CARD16: variants seen among roughly 807,000 people sequenced by gnomAD.
CARD16 encodes the protein caspase recruitment domain-containing protein 16.
In CARD16, 8 loss-of-function variants were observed where a neutral mutation model predicts 11.9. The observed-to-expected ratio is 0.67, with a 90% CI of 0.39 to 1.21. The LOEUF is 1.21. Among genes scored for constraint, CARD16 ranks in the 50% most tolerant of loss-of-function variants. The probability of loss-of-function intolerance (pLI) is 0.01; values close to 1 mark genes in which losing one functional copy is unlikely to be tolerated. For missense variants in CARD16, 131 were observed against 118.1 expected, an observed-to-expected ratio of 1.11 and a Z score of -0.51; for synonymous variants, 44 against 43.8, an observed-to-expected ratio of 1.00 and a Z score of -0.02.
chr11:105,043,147 C>G (rs1864138884), intron 3 of CARD16, among the ~76,000 whole-genome samples: 2 of 152,150 alleles, frequency 1.3e-5, no homozygotes, highest in Admixed American at 1.3e-4. Flanking sequence ...GTAAGAGAAG[C>G]AGGGTGGGGA....
chr11:105,045,073 G>T (rs112479312), intron 1 of CARD16: 48 of 659,416 alleles, frequency 7.3e-5, no homozygotes, highest in African/African-American at 3.5e-4. Context: ...CAAAATGACA[G>T]CAGGCTACCC....
At chr11:105,043,660 A>G (rs1864147610) in intron 2 of CARD16, 115 bp from the exon 3 acceptor site, 5 of 742,586 alleles carry the variant, frequency 6.7e-6, no homozygotes, top group East Asian at 5.0e-5. Flanking sequence ...CTAAATGACA[A>G]TAAATAATGT....
Position 105,043,516 on chromosome 11 carries a change from G to T in CARD16, c.*10C>A. On this transcript the variant is annotated 3_prime_UTR_variant, in exon 3 of 4. Transcript: ENST00000673097. ...GAAGAAAATAGTAATTGGGAGTCTT[G>T]TGTACTAAGCTAATTTCCAGGTATC... The T allele has an allele frequency of 1.2e-6, 2 of 1,610,376 alleles. No homozygotes were observed. The highest frequency in any genetic ancestry group is 1.7e-6 in the Non-Finnish European group (2 of 1,177,118).
Position 105,044,557 on chromosome 11 carries a change from G to A in CARD16, c.109C>T (p.Gln37Ter). Reference sequence around the variant, plus strand: ...CGTTTTACTTTCTCCATCTCTTCCTGGTTCAGCACCCTTGTCTGTAATAAT... The same window carrying A: ...CGTTTTACTTTCTCCATCTCTTCCTAGTTCAGCACCCTTGTCTGTAATAAT... ...DELLQTRVLN[Q>*]EEMEKVKREN... Residue 37 changes from glutamine to a stop codon, truncating the protein, a stop_gained, in exon 2 of 4, where the codon CAG becomes TAG. Transcript: ENST00000673097. LOFTEE classifies it high-confidence loss of function. 6.2e-7 allele frequency: 1 copy of A among 1,614,040 alleles called. No individual in the cohort carries two copies. The highest frequency in any genetic ancestry group is 8.5e-7 in the Non-Finnish European group (1 of 1,179,976).
chr11:105,043,632 T>A, intron 2 of CARD16, 87 bp from the exon 3 acceptor site: 1 of 861,474 alleles, frequency 1.2e-6, no homozygotes, highest in African/African-American at 1.7e-5. Flanking sequence ...TCACTGCAAA[T>A]TCCTCCCACA....
chr11:105,044,242 G>T (rs9326349), intron 2 of CARD16, 150 bp downstream of exon 2: 14 of 1,261,486 alleles, frequency 1.1e-5, no homozygotes, highest in Non-Finnish European at 1.4e-5. Flanking sequence ...AAGAGTCAAG[G>T]GACATGCAAT....
intron 3 of CARD16, among the ~76,000 whole-genome samples, chr11:105,042,018 C>T (rs975919641): frequency 6.6e-6 from 1 of 152,094 alleles, no homozygotes; most frequent in African/African-American, 2.4e-5. Flanking sequence ...AGGAAACAGT[C>T]AATGAGTGAT....
Position 105,044,493 on chromosome 11 carries a change from A to G in CARD16, c.173T>C (p.Ile58Thr), listed in dbSNP as rs1266829770. The change falls in exon 2 of 4, where the codon ATT becomes ACT. Residue 58 changes from isoleucine (I) to threonine (T), a missense_variant. Coordinates refer to ENST00000673097, the MANE Select transcript of CARD16 (RefSeq NM_052889.4). ...TGCCCCTTTCGGAATAACGGAGTCA[A>G]TCAAAGCTCGGGTCTTATCCATAAC... is the stretch of plus-strand genomic sequence containing the variant. The part of the protein sequence containing the change: ...ATVMDKTRAL[I>T]DSVIPKGAQA... The G allele has an allele frequency of 1.9e-6, 3 of 1,614,118 alleles. No individual in the cohort carries two copies. Among genetic ancestry groups the G allele is most frequent in the Admixed American group, 1.7e-5 (1 of 60,008 alleles).
intron 1 of CARD16, 144 bp downstream of exon 1, chr11:105,045,147 T>G (rs1207676334): frequency 1.7e-6 from 2 of 1,191,930 alleles, no homozygotes; most frequent in Non-Finnish European, 2.5e-6. Flanking sequence ...ATCTTCTAGT[T>G]CCTTCTCTCC....
At chr11:105,043,188 A>G (rs534292201) in intron 3 of CARD16, among the ~76,000 whole-genome samples, 1 of 152,146 alleles carries the variant, frequency 6.6e-6, no homozygotes, top group African/African-American at 2.4e-5. Context: ...GAAATTGTTT[A>G]CATAAATGTG....
chr11:105,041,778 C>T lies in CARD16; in HGVS notation c.*44-59G>A, dbSNP rs933751149. The T allele has an allele frequency of 2.7e-6, 4 of 1,493,966 alleles. No individual in the cohort carries two copies. In the African/African-American group the frequency reaches 4.2e-5, roughly 16 times the overall value. The allele number at this position is 1,493,966 out of a possible 1,614,324, so 92.5% of individuals were successfully genotyped here. A position where few individuals can be genotyped will look rare whatever the true frequency, so the allele number is the denominator to read the frequency against. On this transcript the variant is annotated intron_variant, in intron 3 of 3. Coordinates refer to ENST00000673097, the MANE Select transcript of CARD16 (RefSeq NM_052889.4). ...ATCCCTCTTTGTTCTTATAGCCTCACCTATGGAGGAAGCTACAAAAGAGGA... is the reference window on the plus strand; with the variant it reads ...ATCCCTCTTTGTTCTTATAGCCTCATCTATGGAGGAAGCTACAAAAGAGGA...
At chr11:105,042,495 G>T (rs1007329536) in intron 3 of CARD16, among the ~76,000 whole-genome samples, 1 of 152,024 alleles carries the variant, frequency 6.6e-6, no homozygotes. Flanking sequence ...ATAGAACTGA[G>T]GTTTCTAGAT....
In CARD16 at chr11:105,044,622, T is replaced by G. The variant is rs141911009; in HGVS notation, c.44A>C (p.His15Pro). ...ATTTATTGTACCTTCACCCATGGAA[T>G]GGATAAACAGCTTTCTCTTCTCCTT... ...VLKEKRKLFI[H>P]SMGEGTINGL... Residue 15 changes from histidine to proline, a missense_variant, in exon 2 of 4, where the codon CAT becomes CCT. Physicochemically the swap from His to Pro is moderately conservative, Grantham distance 77 (BLOSUM62 -2). Coordinates refer to ENST00000673097, the MANE Select transcript of CARD16 (RefSeq NM_052889.4). The G allele has an allele frequency of 6.2e-7, 1 of 1,614,058 alleles. No individual in the cohort carries two copies. Among genetic ancestry groups the G allele is most frequent in the Non-Finnish European group, 8.5e-7 (1 of 1,179,944 alleles).
chr11:105,045,314 C>A lies in CARD16; in HGVS notation c.-17G>T, dbSNP rs200512282. On this transcript the variant is annotated 5_prime_UTR_variant, in exon 1 of 4. Coordinates refer to ENST00000673097, the MANE Select transcript of CARD16 (RefSeq NM_052889.4). ...ACCGGCCATGGCTTTTCTCTCCTAC[C>A]CTTCTTGTGTGGGCTGAAACTGAAA... is the stretch of plus-strand genomic sequence containing the variant. The A allele has an allele frequency of 3.1e-6, 5 of 1,613,940 alleles. No homozygotes were observed.
chr11:105,044,738 T>C (rs1206245187), intron 1 of CARD16, 80 bp from the exon 2 acceptor site: 1 of 1,564,160 alleles, frequency 6.4e-7, no homozygotes, highest in Non-Finnish European at 8.7e-7. Flanking sequence ...AGTGACCTCA[T>C]TTAGATTTCA....
chr11:105,044,195 A>G, intron 2 of CARD16, 197 bp downstream of exon 2: 1 of 812,822 alleles, frequency 1.2e-6, no homozygotes, highest in Non-Finnish European at 1.9e-6. Flanking sequence ...AATGAACTTT[A>G]ATCAGAAGAG....
intron 2 of CARD16, chr11:105,043,762 C>T: frequency 4.3e-6 from 2 of 467,542 alleles, no homozygotes; most frequent in Non-Finnish European, 7.6e-6. Context: ...TGTATCAGGC[C>T]CTAGGAGGGC....
Position 105,041,582 on chromosome 11 carries a change from T to C in CARD16, c.*181A>G. On this transcript the variant is annotated 3_prime_UTR_variant, in exon 4 of 4. Coordinates refer to ENST00000673097, the MANE Select transcript of CARD16 (RefSeq NM_052889.4). ...GAAGTATATCTTTCACTCCACTTTATTATTGTATTCTGAACATGGCACCTC... is the reference window on the plus strand; with the variant it reads ...GAAGTATATCTTTCACTCCACTTTACTATTGTATTCTGAACATGGCACCTC... 1 of 1,614,096 alleles carries C rather than the reference T, an allele frequency of 6.2e-7. No individual in the cohort carries two copies. Among genetic ancestry groups the C allele is most frequent in the South Asian group, 1.1e-5 (1 of 91,090 alleles).
chr11:105,044,744 T>C (rs1864170581), intron 1 of CARD16, 86 bp from the exon 2 acceptor site: 3 of 1,559,208 alleles, frequency 1.9e-6, no homozygotes, highest in East Asian at 2.2e-5. Flanking sequence ...CTCATTTAGA[T>C]TTCATCAGTG....
Sources: allele counts gnomAD v4.1 joint callset (sites outside exome capture counted in the v4.1 genomes callset), GRCh38; gene constraint gnomAD v4.1.1; transcripts MANE v1.5; gene names NCBI Gene and HGNC (gene_info 2026-07-23, HGNC 2026-07-21).